Variants in SLC25A25 observed in about 807,000 individuals in gnomAD.
SLC25A25 encodes the protein mitochondrial adenyl nucleotide antiporter SLC25A25.
Under a neutral mutation model 57.7 loss-of-function variants are expected in SLC25A25, and 32 were observed. The ratio of observed to expected loss-of-function variants is 0.55; its 90% CI spans 0.42 to 0.74. The LOEUF (loss-of-function observed/expected upper bound fraction) is 0.74, where lower values mean the gene tolerates loss of function less well. Ranked by LOEUF, SLC25A25 falls within the 30% of genes least tolerant of loss-of-function variation. The pLI is 0.00. For missense variants in SLC25A25, 556 were observed against 701.3 expected, an observed-to-expected ratio of 0.79 and a Z score of 2.34; for synonymous variants, 306 against 291.2, an observed-to-expected ratio of 1.05 and a Z score of -0.52.
chr9:128,093,263 T>C (rs1401864868), intron 1 of SLC25A25, among the ~76,000 whole-genome samples: 1 of 152,236 alleles, frequency 6.6e-6, no homozygotes, highest in African/African-American at 2.4e-5. Flanking sequence ...TGTCTTTGCT[T>C]AATATTCAAA....
Position 128,068,253 on chromosome 9 carries a change from C to G in SLC25A25, c.-67C>G, listed in dbSNP as rs1564174356. ...AGCTGCAGAGCGCCTGGCTTGCCTC[C>G]CGCGCGGTCACCGCCGGCCCGCCGC... On this transcript the variant is annotated 5_prime_UTR_variant, in exon 1 of 11. Transcript: ENST00000373069. The G allele has an allele frequency of 5.2e-6, 5 of 968,448 alleles. No individual in the cohort carries two copies. Among genetic ancestry groups the G allele is most frequent in the Non-Finnish European group, 5.4e-6 (4 of 746,792 alleles). 60.0% of individuals were successfully genotyped at this position (968,448 alleles called of 1,614,324 possible).
chr9:128,107,005 T>C (rs1229942432), intron 9 of SLC25A25, 24 bp from the exon 10 acceptor site: 2 of 1,610,004 alleles, frequency 1.2e-6, no homozygotes, highest in Admixed American at 1.7e-5. Context: ...CTAGGGCTTA[T>C]CCCATGCTCC....
intron 1 of SLC25A25, among the ~76,000 whole-genome samples, chr9:128,089,708 C>T (rs1376889250): frequency 6.6e-6 from 1 of 150,660 alleles, no homozygotes; most frequent in Admixed American, 6.6e-5. Flanking sequence ...TGATGGCTCA[C>T]TGCAGCCTTG....
intron 1 of SLC25A25, among the ~76,000 whole-genome samples, chr9:128,074,781 G>T (rs1212148563): frequency 6.6e-6 from 1 of 152,062 alleles, no homozygotes; most frequent in Non-Finnish European, 1.5e-5. Context: ...TGGACAGATG[G>T]CTTGAACCTA....
chr9:128,077,612 T>C (rs1314001299), intron 1 of SLC25A25, among the ~76,000 whole-genome samples: 2 of 151,574 alleles, frequency 1.3e-5, no homozygotes, highest in Non-Finnish European at 2.9e-5. Context: ...GAAAATTGAG[T>C]AGTACTTGCC....
chr9:128,104,521 T>C (rs1201879978), intron 6 of SLC25A25, among the ~76,000 whole-genome samples: 1 of 152,134 alleles, frequency 6.6e-6, no homozygotes, highest in Non-Finnish European at 1.5e-5. Context: ...CACAGCTGCC[T>C]CCCTCCCTCT....
In SLC25A25 at chr9:128,102,790, G is replaced by A. The variant is rs1833860255; in HGVS notation, c.624+309G>A. Among the ~76,000 whole-genome samples, 2 of 152,210 alleles carry A rather than the reference G, an allele frequency of 1.3e-5. No homozygotes were observed. The highest frequency in any genetic ancestry group is 4.1e-4 in the South Asian group (2 of 4,832). On this transcript the variant is annotated intron_variant, in intron 5 of 10. Coordinates refer to ENST00000373069, the MANE Select transcript of SLC25A25 (RefSeq NM_001330988.2). This position sits in a 1 kb window ranked among gnomAD's most constrained non-coding sequence, Gnocchi z 4.1. ...TTCAAATACCCCTTCCCATGATGCT[G>A]TCTGTTCTCCCAAAGCTGGTATGAG... is the stretch of plus-strand genomic sequence containing the variant.
Position 128,085,226 on chromosome 9 carries a change from G to A in SLC25A25, c.262-15870G>A, listed in dbSNP as rs550155951. ...GGCGCCTGTAGTCCCAGCTACTCGG[G>A]AGGCTGAGGCAGGAGAATCACTTGA... On this transcript the variant is annotated intron_variant, in intron 1 of 10. Transcript: ENST00000373069. 6.6e-5 allele frequency among the ~76,000 whole-genome samples: 10 copies of A among 152,198 alleles called. 1 individual carries two copies. The highest frequency in any genetic ancestry group is 2.4e-4 in the African/African-American group (10 of 41,518).
In SLC25A25 at chr9:128,103,999, A is replaced by C. The variant is rs1396263811; in HGVS notation, c.783+160A>C. Reference sequence around the variant, plus strand: ...ATTATTGCTCAGACAGGGGGTACCAAAATGTCACTGTAGGTGACATTTTGT... The same window carrying C: ...ATTATTGCTCAGACAGGGGGTACCACAATGTCACTGTAGGTGACATTTTGT... On this transcript the variant is annotated intron_variant, in intron 6 of 10. Coordinates refer to ENST00000373069, the MANE Select transcript of SLC25A25 (RefSeq NM_001330988.2). The surrounding 1 kb of genome is among the most constrained non-coding windows in gnomAD (Gnocchi z 6.7). 3.3e-5 allele frequency among the ~76,000 whole-genome samples: 5 copies of C among 152,190 alleles called. No individual in the cohort carries two copies. The highest frequency in any genetic ancestry group is 4.8e-5 in the African/African-American group (2 of 41,452).
intron 1 of SLC25A25, among the ~76,000 whole-genome samples, chr9:128,080,383 G>C (rs1024430081): frequency 2.1e-5 from 3 of 144,250 alleles, no homozygotes; most frequent in Non-Finnish European, 4.5e-5. Flanking sequence ...AGAACCAACT[G>C]TCTGTTAAGT....
rs539262447 is a variant in SLC25A25 at position 128,095,443 on chromosome 9, G to C, written c.262-5653G>C. Among the ~76,000 whole-genome samples, 1 of 152,202 alleles carries C rather than the reference G, an allele frequency of 6.6e-6. No homozygotes were observed. The highest frequency in any genetic ancestry group is 2.4e-5 in the African/African-American group (1 of 41,444). On this transcript the variant is annotated intron_variant, in intron 1 of 10. Coordinates refer to ENST00000373069, the MANE Select transcript of SLC25A25 (RefSeq NM_001330988.2). The surrounding 1 kb of genome is among the most constrained non-coding windows in gnomAD (Gnocchi z 4.4). ...CCCCTCTGGGCCCCCACAGTCTGCA[G>C]TTCCAGGAATACAGCAGTTGTCCTG...
At chr9:128,100,514 T>C (rs1228337016) in intron 1 of SLC25A25, among the ~76,000 whole-genome samples, 1 of 152,196 alleles carries the variant, frequency 6.6e-6, no homozygotes, top group Non-Finnish European at 1.5e-5. Flanking sequence ...CCTTGGCTCC[T>C]TACACTTCCC....
At position 128,099,416 on chromosome 9, in the gene SLC25A25, G is replaced by A. The variant is rs150801713; in HGVS notation, c.262-1680G>A. 717 of 1,142,216 alleles carry A rather than the reference G, an allele frequency of 6.3e-4. 9 individuals are homozygous for A. In the East Asian group the frequency reaches 0.013, roughly 21 times the overall value. The allele number at this position is 1,142,216 out of a possible 1,614,324, so 70.8% of individuals were successfully genotyped here. A position where few individuals can be genotyped will look rare whatever the true frequency, so the allele number is the denominator to read the frequency against. On this transcript the variant is annotated intron_variant, in intron 1 of 10. Transcript: ENST00000373069. The surrounding 1 kb of genome is among the most constrained non-coding windows in gnomAD (Gnocchi z 6.8). ...CACACCCTCTGCTCTGGGTGTCTGC[G>A]ACAGCACCCACCCCAGGGAGGCATG...
chr9:128,075,856 A>C (rs1475276680), intron 1 of SLC25A25, among the ~76,000 whole-genome samples: 1 of 152,218 alleles, frequency 6.6e-6, no homozygotes. Flanking sequence ...AAAGAAAAAA[A>C]ACAAAAAAGA....
intron 1 of SLC25A25, among the ~76,000 whole-genome samples, chr9:128,084,784 C>T (rs867314639): frequency 2.0e-5 from 3 of 152,124 alleles, no homozygotes; most frequent in Non-Finnish European, 4.4e-5. Context: ...TTACAGAATT[C>T]GATTCTTTTC....
intron 6 of SLC25A25, 39 bp from the exon 7 acceptor site, chr9:128,105,690 C>T: frequency 2.5e-6 from 4 of 1,611,108 alleles, no homozygotes; most frequent in Non-Finnish European, 3.4e-6. Context: ...CAGCCTGTGG[C>T]CCCCCGGGTC....
chr9:128,099,113 C>T lies in SLC25A25; in HGVS notation c.262-1983C>T, dbSNP rs1833681700. The T allele has an allele frequency of 3.0e-6, 3 of 985,350 alleles. No individual in the cohort carries two copies. The African/African-American group carries it at 5.2e-5, about 17-fold the overall frequency. 61.0% of individuals were successfully genotyped at this position (985,350 alleles called of 1,614,324 possible). A position where few individuals can be genotyped will look rare whatever the true frequency, so the allele number is the denominator to read the frequency against. ...GGTGCTGCGTGGTGGAGCTGCCCGT[C>T]CCTGGTGTGGGGGTGAGGGAGCCTC... On this transcript the variant is annotated intron_variant, in intron 1 of 10. Coordinates refer to ENST00000373069, the MANE Select transcript of SLC25A25 (RefSeq NM_001330988.2). This position sits in a 1 kb window ranked among gnomAD's most constrained non-coding sequence, Gnocchi z 6.8.
At chr9:128,096,272 G>T (rs956454415) in intron 1 of SLC25A25, among the ~76,000 whole-genome samples, 1 of 152,220 alleles carries the variant, frequency 6.6e-6, no homozygotes, top group Admixed American at 6.5e-5. Context: ...ACTTTGGGAG[G>T]CCAAGGCAGG....
chr9:128,087,704 TC>T (rs1833309020), intron 1 of SLC25A25, among the ~76,000 whole-genome samples: 1 of 152,244 alleles, frequency 6.6e-6, no homozygotes, highest in Admixed American at 6.5e-5. Context: ...GTTTGGGTCA[TC>T]CCACCGCTCA....
Sources: gnomAD v4.1 joint callset for allele counts (sites outside exome capture counted in the v4.1 genomes callset) on GRCh38, gnomAD v4.1.1 for gene constraint, Gnocchi (gnomAD v3.1) non-coding constraint, MANE v1.5 for transcripts, NCBI Gene and HGNC (gene_info 2026-07-23, HGNC 2026-07-21) for gene names.